Variants in SLC14A2 observed in about 807,000 individuals in gnomAD.
The protein encoded by SLC14A2 is solute carrier family 14 member 2, also known as urea transporter 2.
Under a neutral mutation model 104.6 loss-of-function variants are expected in SLC14A2, and 91 were observed. The observed-to-expected ratio is 0.87, with a 90% CI of 0.73 to 1.04. The LOEUF is 1.04. SLC14A2 is among the 50% of genes least tolerant of loss of function. The pLI is 0.00. For missense variants in SLC14A2, 1,189 were observed against 1,156.0 expected, an observed-to-expected ratio of 1.03 and a Z score of -0.41; for synonymous variants, 476 against 466.4, an observed-to-expected ratio of 1.02 and a Z score of -0.27.
At chr18:45,426,980 AT>A (rs1431566596) in intron 1 of SLC14A2, among the ~76,000 whole-genome samples, 1 of 151,808 alleles carries the variant, frequency 6.6e-6, no homozygotes, top group Non-Finnish European at 1.5e-5. Context: ...TCAGATGCCA[AT>A]TTTTTTCATC....
intron 1 of SLC14A2, among the ~76,000 whole-genome samples, chr18:45,265,938 C>T (rs2084588001): frequency 6.6e-6 from 1 of 152,098 alleles, no homozygotes; most frequent in South Asian, 2.1e-4. Flanking sequence ...ATGGAGTGTA[C>T]CTTCCACTAG....
chr18:45,237,840 C>T (rs896976413), intron 1 of SLC14A2, among the ~76,000 whole-genome samples: 11 of 152,180 alleles, frequency 7.2e-5, no homozygotes, highest in Non-Finnish European at 1.3e-4. Context: ...CTGGGAGTGC[C>T]TTGTCCTGGC....
chr18:45,355,030 C>A (rs965732352), intron 1 of SLC14A2, among the ~76,000 whole-genome samples: 11 of 152,274 alleles, frequency 7.2e-5, no homozygotes, highest in Admixed American at 6.5e-4. Flanking sequence ...TTGAGTCTGA[C>A]CTGCCTTTGA....
At chr18:45,171,755 AT>A in the SLC14A2 span, among the ~76,000 whole-genome samples, 1 of 152,178 alleles carries the variant, frequency 6.6e-6, no homozygotes, top group Non-Finnish European at 1.5e-5. Context: ...GTAATACCAG[AT>A]AACAGTAGGC....
At chr18:45,254,021 C>T (rs547668857) in intron 1 of SLC14A2, among the ~76,000 whole-genome samples, 43 of 152,186 alleles carry the variant, frequency 2.8e-4, no homozygotes, top group Admixed American at 8.5e-4. Context: ...AAGGACCGAA[C>T]GCTAGAAGGG....
rs905460903 is a variant in SLC14A2 at position 45,627,877 on chromosome 18, G to A, written c.521+730G>A. ...ATACAAAAATCAGCTGTGCATGGTC[G>A]TGCATGCCTGTAATCCCAGCTACTC... On this transcript the variant is annotated intron_variant, in intron 4 of 19. Coordinates refer to ENST00000255226, the MANE Select transcript of SLC14A2 (RefSeq NM_007163.4). Among the ~76,000 whole-genome samples, 8 of 151,818 alleles carry A rather than the reference G, an allele frequency of 5.3e-5. No individual in the cohort carries two copies. In the East Asian group the frequency reaches 5.8e-4, roughly 11 times the overall value.
intron 16 of SLC14A2, among the ~76,000 whole-genome samples, chr18:45,672,268 G>A (rs1307372791): frequency 2.6e-5 from 4 of 151,958 alleles, no homozygotes; most frequent in Non-Finnish European, 4.4e-5. Context: ...GGTGGCTCAC[G>A]CCTGTAATCC....
intron 1 of SLC14A2, among the ~76,000 whole-genome samples, chr18:45,287,176 T>A (rs972261520): frequency 2.0e-5 from 3 of 152,232 alleles, no homozygotes; most frequent in African/African-American, 2.4e-5. Flanking sequence ...TTTGCCTGTG[T>A]CTAAGCTGTC....
intron 1 of SLC14A2, among the ~76,000 whole-genome samples, chr18:45,264,452 C>T (rs1411584661): frequency 1.3e-5 from 2 of 152,092 alleles, no homozygotes; most frequent in Non-Finnish European, 2.9e-5. Flanking sequence ...TTACGTAGTT[C>T]GTTTTATCTT....
Position 45,627,267 on chromosome 18 carries a change from T to A in SLC14A2, c.521+120T>A, listed in dbSNP as rs76210131. 2.4e-4 allele frequency: 189 copies of A among 795,948 alleles called. No individual in the cohort carries two copies. In the East Asian group the frequency reaches 4.9e-3, roughly 20 times the overall value. 49.3% of individuals were successfully genotyped at this position (795,948 alleles called of 1,614,324 possible). ...CAGCCAAAGTCTCCTGAGTATCAAC[T>A]TTAAGCAGGTCACTGACAGTCCTTG... On this transcript the variant is annotated intron_variant, in intron 4 of 19. Transcript: ENST00000255226.
At chr18:45,363,241 G>T (rs575907254) in intron 1 of SLC14A2, among the ~76,000 whole-genome samples, 1 of 152,134 alleles carries the variant, frequency 6.6e-6, no homozygotes, top group Non-Finnish European at 1.5e-5. Flanking sequence ...CACAGAAGCT[G>T]GAGTTAGGGA....
At chr18:45,256,363 A>G (rs1423674022) in intron 1 of SLC14A2, among the ~76,000 whole-genome samples, 2 of 152,192 alleles carry the variant, frequency 1.3e-5, no homozygotes, top group African/African-American at 2.4e-5. Flanking sequence ...CTTCATTTCA[A>G]TCACCCCCTT....
At chr18:45,275,777 A>G (rs184151374) in intron 1 of SLC14A2, among the ~76,000 whole-genome samples, 1 of 152,338 alleles carries the variant, frequency 6.6e-6, no homozygotes, top group African/African-American at 2.4e-5. Context: ...TAAAGTGATC[A>G]GTTGTTTACT....
At chr18:45,333,742 G>A (rs1007795427) in intron 1 of SLC14A2, among the ~76,000 whole-genome samples, 2 of 152,162 alleles carry the variant, frequency 1.3e-5, no homozygotes, top group African/African-American at 4.8e-5. Flanking sequence ...TAGAAGGCAA[G>A]GTTAAGCTAA....
At chr18:45,575,709 A>G (rs920016159) in intron 2 of SLC14A2, among the ~76,000 whole-genome samples, 1 of 152,238 alleles carries the variant, frequency 6.6e-6, no homozygotes, top group African/African-American at 2.4e-5. Context: ...TTCAATCTCA[A>G]GAAACGTTTA....
intron 1 of SLC14A2, among the ~76,000 whole-genome samples, chr18:45,312,452 TG>T (rs1283879083): frequency 6.6e-6 from 1 of 152,172 alleles, no homozygotes; most frequent in Non-Finnish European, 1.5e-5. Context: ...TGCTAATTAC[TG>T]GGTATTGACC....
At chr18:45,335,935 T>C (rs2085333937) in intron 1 of SLC14A2, among the ~76,000 whole-genome samples, 1 of 152,188 alleles carries the variant, frequency 6.6e-6, no homozygotes, top group Non-Finnish European at 1.5e-5. Flanking sequence ...TCAGCATCTT[T>C]GCAAGCTTAA....
intron 1 of SLC14A2, among the ~76,000 whole-genome samples, chr18:45,237,450 G>T (rs902434422): frequency 1.3e-5 from 2 of 152,122 alleles, no homozygotes; most frequent in Admixed American, 6.5e-5. Context: ...TTCCTTTCCA[G>T]CCCCTTGCTA....
intron 1 of SLC14A2, among the ~76,000 whole-genome samples, chr18:45,360,903 A>G (rs911560554): frequency 3.9e-5 from 6 of 152,036 alleles, no homozygotes; most frequent in African/African-American, 1.4e-4. Flanking sequence ...ACATTCCCCC[A>G]TCTCTCTTTT....
Sources: allele counts gnomAD v4.1 joint callset (sites outside exome capture counted in the v4.1 genomes callset), GRCh38; gene constraint gnomAD v4.1.1; transcripts MANE v1.5; gene names NCBI Gene and HGNC (gene_info 2026-07-23, HGNC 2026-07-21).